The following ZAR1 variants were observed in gnomAD, a reference collection of about 807,000 sequenced individuals.
The protein encoded by ZAR1 is zygote arrest protein 1.
A neutral mutation model predicts 38.3 loss-of-function variants in ZAR1; 37 were observed. The ratio of observed to expected loss-of-function variants is 0.97; its 90% CI spans 0.74 to 1.27. The LOEUF (loss-of-function observed/expected upper bound fraction) is 1.27, where lower values mean the gene tolerates loss of function less well. Ranked by LOEUF, ZAR1 falls within the 50% of genes most tolerant of loss-of-function variation. ZAR1 has a pLI of 0.00. For synonymous variants in ZAR1, 336 were observed against 292.0 expected, an observed-to-expected ratio of 1.15 and a Z score of -1.53; for missense variants, 651 against 632.4, an observed-to-expected ratio of 1.03 and a Z score of -0.32.
chr4:48,494,094 C>A lies in ZAR1; in HGVS notation c.1132-7C>A, dbSNP rs377383344. 7 of 1,604,214 alleles carry A rather than the reference C, an allele frequency of 4.4e-6. No individual in the cohort carries two copies. The African/African-American group carries it at 8.1e-5, about 19-fold the overall frequency. ...TCTGCATGCCCTTCTGTATTTTTTT[C>A]CCCCAGAGTTGTAAACAAACGAGAT... is the stretch of plus-strand genomic sequence containing the variant. On this transcript the variant is annotated splice_region_variant and splice_polypyrimidine_tract_variant and intron_variant, in intron 3 of 3. Coordinates refer to ENST00000327939, the MANE Select transcript of ZAR1 (RefSeq NM_175619.3).
chr4:48,496,766 T>C (rs1309195937), downstream of ZAR1, among the ~76,000 whole-genome samples: 1 of 152,212 alleles, frequency 6.6e-6, no homozygotes, highest in Non-Finnish European at 1.5e-5. Context: ...TAACTGTAGT[T>C]TTCTTCATAT....
chr4:48,490,256 A>T lies in ZAR1; in HGVS notation c.-36A>T, dbSNP rs1718381057. ...GCTCGGCCGCCCGGGCAAGTCGCCT[A>T]TTTAGGGTGCGGCGGCGGGCGGGAG... On this transcript the variant is annotated 5_prime_UTR_variant, in exon 1 of 4. Coordinates refer to ENST00000327939, the MANE Select transcript of ZAR1 (RefSeq NM_175619.3). 3 of 1,475,648 alleles carry T rather than the reference A, an allele frequency of 2.0e-6. No individual in the cohort carries two copies. In the South Asian group the frequency reaches 3.9e-5, roughly 19 times the overall value. 91.4% of individuals were successfully genotyped at this position (1,475,648 alleles called of 1,614,324 possible). A position where few individuals can be genotyped will look rare whatever the true frequency, so the allele number is the denominator to read the frequency against.
At chr4:48,491,880 CTT>C (rs2148674157) in intron 1 of ZAR1, among the ~76,000 whole-genome samples, 1 of 152,328 alleles carries the variant, frequency 6.6e-6, no homozygotes, top group South Asian at 2.1e-4. Context: ...CAGGCTGAAA[CTT>C]TAAAGGGCTG....
chr4:48,494,367 C>A lies in ZAR1; in HGVS notation c.*123C>A. Reference sequence around the variant, plus strand: ...AGGCAGTGTATTCTGAAAAAGCCTTCAAATAAAGGTATTGCAACACGATTT... The same window carrying A: ...AGGCAGTGTATTCTGAAAAAGCCTTAAAATAAAGGTATTGCAACACGATTT... On this transcript the variant is annotated 3_prime_UTR_variant, in exon 4 of 4. Transcript: ENST00000327939. The A allele has an allele frequency of 7.9e-7, 1 of 1,272,564 alleles. No individual in the cohort carries two copies. 78.8% of individuals were successfully genotyped at this position (1,272,564 alleles called of 1,614,324 possible).
intron 1 of ZAR1, among the ~76,000 whole-genome samples, chr4:48,491,515 C>T (rs1275169623): frequency 8.5e-5 from 13 of 152,338 alleles, no homozygotes; most frequent in Middle Eastern, 3.4e-3. Flanking sequence ...TCTTATAACC[C>T]ACATATTTGC....
chr4:48,494,286 G>A lies in ZAR1; in HGVS notation c.*42G>A, dbSNP rs770319377. 24 of 1,602,834 alleles carry A rather than the reference G, an allele frequency of 1.5e-5. No homozygotes were observed. In the African/African-American group the frequency reaches 2.0e-4, roughly 13 times the overall value. On this transcript the variant is annotated 3_prime_UTR_variant, in exon 4 of 4. Transcript: ENST00000327939. ...CTGTGCATGCGCTGATGGAGTAGACGAGTGAGCTTTTCCGTGCCTCTCCTC... is the reference window on the plus strand; with the variant it reads ...CTGTGCATGCGCTGATGGAGTAGACAAGTGAGCTTTTCCGTGCCTCTCCTC...
At chr4:48,492,084 G>T (rs62311296) in intron 1 of ZAR1, among the ~76,000 whole-genome samples, 62,119 of 152,022 alleles carry the variant, frequency 0.41, 14,053 homozygotes, top group Admixed American at 0.55. Context: ...CAGCGTGGCT[G>T]TGCAGGAGCT....
chr4:48,494,071 T>C, intron 3 of ZAR1, 30 bp from the exon 4 acceptor site: 4 of 1,605,510 alleles, frequency 2.5e-6, no homozygotes, highest in Non-Finnish European at 3.4e-6. Context: ...GTTTATCTTC[T>C]GCATGCCCTT....
chr4:48,491,442 G>A (rs954792293), intron 1 of ZAR1, among the ~76,000 whole-genome samples, 188 bp downstream of exon 1: 1 of 152,218 alleles, frequency 6.6e-6, no homozygotes, highest in African/African-American at 2.4e-5. Flanking sequence ...TCATGTCCCC[G>A]ACATCCAGAC....
chr4:48,495,137 T>TAGCA (rs1718550822), downstream of ZAR1, among the ~76,000 whole-genome samples: 1 of 152,170 alleles, frequency 6.6e-6, no homozygotes, highest in Non-Finnish European at 1.5e-5. Context: ...GATGCCAGAC[T>TAGCA]CTAACTGCGT....
downstream of ZAR1, among the ~76,000 whole-genome samples, chr4:48,494,997 G>C (rs777425557): frequency 1.3e-5 from 2 of 152,154 alleles, no homozygotes; most frequent in African/African-American, 2.4e-5. Context: ...CTATCAAGTA[G>C]ACTTTGTGTT....
chr4:48,494,125 T>G lies in ZAR1; in HGVS notation c.1156T>G (p.Cys386Gly). 6.2e-7 allele frequency: 1 copy of G among 1,614,052 alleles called. No individual in the cohort carries two copies. Among genetic ancestry groups the G allele is most frequent in the Non-Finnish European group, 8.5e-7 (1 of 1,179,948 alleles). ...GAGTTGTAAACAAACGAGATGTTCCTGCCCAGTAAAACTTCGCCACGTGGA... is the reference window on the plus strand; with the variant it reads ...GAGTTGTAAACAAACGAGATGTTCCGGCCCAGTAAAACTTCGCCACGTGGA... ...CQSCKQTRCS[C>G]PVKLRHVDPK... The change falls in exon 4 of 4, where the codon TGC (cysteine) becomes GGC (glycine). Residue 386 changes from cysteine (C) to glycine (G), a missense_variant. Physicochemically the swap from Cys to Gly is radical, Grantham distance 159. Around this residue, in one of 2 missense-constraint regions of ZAR1, gnomAD observed 129 missense variants for 172.5 expected, o/e 0.75. Transcript: ENST00000327939.
chr4:48,494,309 C>T lies in ZAR1; in HGVS notation c.*65C>T. ...ACGAGTGAGCTTTTCCGTGCCTCTC[C>T]TCCACCTCTCCCTTCTCAAAATACT... On this transcript the variant is annotated 3_prime_UTR_variant, in exon 4 of 4. Transcript: ENST00000327939. The T allele has an allele frequency of 6.3e-7, 1 of 1,580,002 alleles. No individual in the cohort carries two copies. Among genetic ancestry groups the T allele is most frequent in the Non-Finnish European group, 8.6e-7 (1 of 1,156,306 alleles).
At chr4:48,493,765 G>C (rs757314583) in intron 3 of ZAR1, among the ~76,000 whole-genome samples, 1 of 152,210 alleles carries the variant, frequency 6.6e-6, no homozygotes, top group Non-Finnish European at 1.5e-5. Context: ...GTTTCTAAAA[G>C]AGGATGCCTT....
rs10008444 is a variant in ZAR1 at position 48,490,417 on chromosome 4, G to C, written c.126G>C (p.Gln42His). 1 allele frequency: 1,493,918 copies of C among 1,497,372 alleles called. 745,297 individuals are homozygous for C. Among genetic ancestry groups the C allele is most frequent in the Non-Finnish European group, 1 (1,130,300 of 1,130,350 alleles). The allele number at this position is 1,497,372 out of a possible 1,614,324, so 92.8% of individuals were successfully genotyped here. ...GCGCGGCGGGCGGCAGCTGGCAGCA[G>C]CGCGGCAGGGGCTGCCTTCCCGCCT... ...GKGAAGGSWQQRGRGCLPASS... is the reference protein window; with the variant it reads ...GKGAAGGSWQHRGRGCLPASS... Residue 42 changes from glutamine (Q) to histidine (H), a missense_variant, in exon 1 of 4, where the codon CAG becomes CAC. Physicochemically the swap from Gln to His is conservative, Grantham distance 24 (BLOSUM62 0). Coordinates refer to ENST00000327939, the MANE Select transcript of ZAR1 (RefSeq NM_175619.3).
intron 1 of ZAR1, 126 bp from the exon 2 acceptor site, chr4:48,492,640 C>A: frequency 1.1e-6 from 1 of 887,456 alleles, no homozygotes; most frequent in Non-Finnish European, 1.8e-6. Flanking sequence ...CGTACCCAAA[C>A]CTGACCTGCT....
chr4:48,495,018 CT>C (rs539846997), downstream of ZAR1, among the ~76,000 whole-genome samples: 305 of 149,488 alleles, frequency 2.0e-3, 1 homozygote, highest in Non-Finnish European at 3.1e-3. Flanking sequence ...TCTTCAAAGC[CT>C]TTTTTTTTTC....
rs768491112 is a variant in ZAR1 at position 48,493,027 on chromosome 4, T to A, written c.1131+15T>A. On this transcript the variant is annotated intron_variant, in intron 3 of 3. Coordinates refer to ENST00000327939, the MANE Select transcript of ZAR1 (RefSeq NM_175619.3). ...TCACCTGTCAAGTAAATCAGATGTT[T>A]TGCATTTTGTCTGACCTGGGCAGTC... The A allele has an allele frequency of 6.2e-6, 10 of 1,613,746 alleles. No individual in the cohort carries two copies. The South Asian group carries it at 8.8e-5, about 14-fold the overall frequency.
At position 48,491,047 on chromosome 4, in the gene ZAR1, C is replaced by T; in HGVS notation, c.756C>T (p.Ser252=). ...AGGCCCAGGCCGCAGTCCGAGCGAG[C>T]TGGGAGCAGCCGGCCGACGGTCCCG... ...DGEAQAAVRA[S]WEQPADGPEL... The change falls in exon 1 of 4, where the codon AGC becomes AGT. Residue 252 remains serine, a synonymous_variant. Coordinates refer to ENST00000327939, the MANE Select transcript of ZAR1 (RefSeq NM_175619.3). 7.5e-7 allele frequency: 1 copy of T among 1,340,320 alleles called. No homozygotes were observed. 83.0% of individuals were successfully genotyped at this position (1,340,320 alleles called of 1,614,324 possible).
Sources: allele counts gnomAD v4.1 joint callset (sites outside exome capture counted in the v4.1 genomes callset), GRCh38; gene constraint gnomAD v4.1.1; regional missense constraint gnomAD v4.1.1; transcripts MANE v1.5; gene names NCBI Gene and HGNC (gene_info 2026-07-23, HGNC 2026-07-21).